ASH1L: variants seen among roughly 807,000 people sequenced by gnomAD.
ASH1L encodes histone-lysine N-methyltransferase ASH1L.
A neutral mutation model predicts 269.0 loss-of-function variants in ASH1L; 23 were observed. The observed-to-expected ratio is 0.09, with a 90% CI of 0.06 to 0.12. ASH1L has a LOEUF of 0.12. ASH1L is among the 10% of genes least tolerant of loss of function. The pLI, the probability that ASH1L is intolerant of heterozygous loss-of-function variation, is 1.00. For missense variants in ASH1L, 2,912 were observed against 3,567.8 expected (o/e 0.82, Z 4.68); for synonymous variants, 1,187 against 1,253.5 (o/e 0.95, Z 1.12).
At chr1:155,357,110 CACACACACAA>C (rs1558027176) in intron 15 of ASH1L, among the ~76,000 whole-genome samples, 196 bp downstream of exon 15, 3 of 98,104 alleles carry the variant, frequency 3.1e-5, no homozygotes, top group Non-Finnish European at 5.6e-5. Context: ...CACACACACA[CACACACACAA>C]AAGGGTAAGA....
rs1660372590 is a variant in ASH1L at position 155,418,169 on chromosome 1, G to A, written c.5829-2246C>T. ...CCAAAATGCAGGAAAATGTGACCCA[G>A]GGGAAAAAATCATTCAGTAGAAACA... On this transcript the variant is annotated intron_variant, in intron 5 of 27. Transcript: ENST00000392403. Among the ~76,000 whole-genome samples, 2 of 151,918 alleles carry A rather than the reference G, an allele frequency of 1.3e-5. 1 individual carries two copies. The highest frequency in any genetic ancestry group is 1.3e-4 in the Admixed American group (2 of 15,228).
chr1:155,442,816 C>T (rs1204489556), intron 4 of ASH1L, among the ~76,000 whole-genome samples: 2 of 152,006 alleles, frequency 1.3e-5, no homozygotes, highest in Non-Finnish European at 2.9e-5. Flanking sequence ...TTTGAGTCTG[C>T]CTTTCTCTCT....
At chr1:155,386,412 G>A (rs1164605908) in intron 7 of ASH1L, among the ~76,000 whole-genome samples, 1 of 151,746 alleles carries the variant, frequency 6.6e-6, no homozygotes, top group Non-Finnish European at 1.5e-5. Flanking sequence ...TTTTGAGACG[G>A]AGTCTTACTT....
intron 1 of ASH1L, among the ~76,000 whole-genome samples, chr1:155,559,868 C>T (rs1427903975): frequency 5.3e-5 from 8 of 152,102 alleles, no homozygotes; most frequent in Non-Finnish European, 1.2e-4. Context: ...CAAATCACCT[C>T]AGGCCCAATC....
intron 2 of ASH1L, among the ~76,000 whole-genome samples, chr1:155,505,020 A>T (rs953988815): frequency 3.3e-5 from 5 of 152,168 alleles, no homozygotes; most frequent in Non-Finnish European, 7.3e-5. Context: ...CCACAAACTT[A>T]AAAACAAACA....
intron 1 of ASH1L, among the ~76,000 whole-genome samples, chr1:155,526,628 C>T (rs183483947): frequency 1.3e-4 from 20 of 152,286 alleles, no homozygotes; most frequent in Admixed American, 7.8e-4. Context: ...CTTCATTGTC[C>T]CTAATTTTGC....
chr1:155,526,525 A>T (rs1217751534), intron 1 of ASH1L, among the ~76,000 whole-genome samples: 1 of 151,994 alleles, frequency 6.6e-6, no homozygotes. Flanking sequence ...CTGACCACTA[A>T]CTCCGAGTAA....
intron 26 of ASH1L, 61 bp from the exon 27 acceptor site, chr1:155,338,451 TAG>T (rs1652501162): frequency 1.3e-6 from 2 of 1,516,454 alleles, no homozygotes; most frequent in South Asian, 2.5e-5. Flanking sequence ...GGATGAAGGG[TAG>T]GAGGCCTCAA....
chr1:155,542,536 A>T (rs1403371863), intron 1 of ASH1L, among the ~76,000 whole-genome samples: 3 of 151,738 alleles, frequency 2.0e-5, no homozygotes, highest in Non-Finnish European at 2.9e-5. Context: ...GCAACAGAGC[A>T]AGACTCTGTC....
chr1:155,481,689 C>G lies in ASH1L; in HGVS notation c.1181G>C (p.Ser394Thr). ...CTTATTAACCAATCCCATTGCTGAA[C>G]TTGCTACAATCTTCTTTGCACAGTC... ...AKDCAKKIVASSAMGLVNKDI... is the reference protein window; with the variant it reads ...AKDCAKKIVATSAMGLVNKDI... Residue 394 changes from serine to threonine, a missense_variant, in exon 3 of 28, where the codon AGT becomes ACT. Transcript: ENST00000392403. 1.2e-6 allele frequency: 2 copies of G among 1,614,192 alleles called. No homozygotes were observed. The highest frequency in any genetic ancestry group is 1.7e-6 in the Non-Finnish European group (2 of 1,180,026).
At chr1:155,561,351 G>T in intron 1 of ASH1L, among the ~76,000 whole-genome samples, 1 of 137,258 alleles carries the variant, frequency 7.3e-6, no homozygotes, top group Non-Finnish European at 1.6e-5. Flanking sequence ...CTATTCTTAA[G>T]ACCACAACTG....
intron 1 of ASH1L, 57 bp from the exon 2 acceptor site, chr1:155,521,675 T>C (rs1210536830): frequency 1.5e-5 from 10 of 647,644 alleles, no homozygotes; most frequent in Non-Finnish European, 2.6e-5. Context: ...CTGATTAACA[T>C]AAGTAATGGG....
At position 155,337,380 on chromosome 1, in the gene ASH1L, T is replaced by C. The variant is rs2148302589; in HGVS notation, c.*280A>G. The C allele has an allele frequency of 3.7e-6, 1 of 267,622 alleles. No individual in the cohort carries two copies. Among genetic ancestry groups the C allele is most frequent in the Non-Finnish European group, 7.2e-6 (1 of 138,464 alleles). The allele number at this position is 267,622 out of a possible 1,614,324, so 16.6% of individuals were successfully genotyped here. A position where few individuals can be genotyped will look rare whatever the true frequency, so the allele number is the denominator to read the frequency against. On this transcript the variant is annotated 3_prime_UTR_variant, in exon 28 of 28. Coordinates refer to ENST00000392403, the MANE Select transcript of ASH1L (RefSeq NM_018489.3). ...GCAAATGCTATAAAGTACCAGTAGG[T>C]TCTGGTCATCAATGTGGTCCTCCCT...
At chr1:155,544,519 C>T (rs1216652076) in intron 1 of ASH1L, among the ~76,000 whole-genome samples, 2 of 150,070 alleles carry the variant, frequency 1.3e-5, no homozygotes, top group Non-Finnish European at 3.0e-5. Context: ...GATCTCCTGC[C>T]CTCGTGATCT....
At chr1:155,443,482 T>C (rs761797010) in intron 4 of ASH1L, among the ~76,000 whole-genome samples, 29 of 152,216 alleles carry the variant, frequency 1.9e-4, no homozygotes, top group Non-Finnish European at 3.5e-4. Flanking sequence ...ATGTTTTTTA[T>C]ATATACATTT....
At chr1:155,359,943 A>G (rs568887489) in intron 13 of ASH1L, among the ~76,000 whole-genome samples, 88 of 151,430 alleles carry the variant, frequency 5.8e-4, no homozygotes, top group South Asian at 3.5e-3. Context: ...GCTGGAGCAC[A>G]GTGGTGCAAT....
chr1:155,549,260 T>G (rs1452236745), intron 1 of ASH1L, among the ~76,000 whole-genome samples: 5 of 152,082 alleles, frequency 3.3e-5, no homozygotes, highest in Non-Finnish European at 5.9e-5. Context: ...GGAAAATAGC[T>G]TTACCTGAGG....
At chr1:155,490,969 A>C (rs74977598) in intron 2 of ASH1L, among the ~76,000 whole-genome samples, 3 of 1,036 alleles carry the variant, frequency 2.9e-3, no homozygotes, top group East Asian at 0.05. Context: ...CCCTGATTCC[A>C]AAAAAAAAAA....
At chr1:155,527,348 T>A (rs940735065) in intron 1 of ASH1L, among the ~76,000 whole-genome samples, 1 of 152,144 alleles carries the variant, frequency 6.6e-6, no homozygotes, top group African/African-American at 2.4e-5. Context: ...CTTTTTCTCT[T>A]GAACATACTG....
Sources: allele counts gnomAD v4.1 joint callset (sites outside exome capture counted in the v4.1 genomes callset), GRCh38; gene constraint gnomAD v4.1.1; transcripts MANE v1.5; gene names NCBI Gene and HGNC (gene_info 2026-07-23, HGNC 2026-07-21).